Variants in OCA2 observed in about 807,000 individuals in gnomAD.
The protein encoded by OCA2 is P protein.
Under a neutral mutation model 100.2 loss-of-function variants are expected in OCA2, and 77 were observed. The ratio of observed to expected loss-of-function variants is 0.77; its 90% CI spans 0.64 to 0.93. OCA2 has a LOEUF of 0.93. OCA2 is among the 40% of genes least tolerant of loss of function. The probability of loss-of-function intolerance (pLI) is 0.00; values close to 1 mark genes in which losing one functional copy is unlikely to be tolerated. For synonymous variants in OCA2, 432 were observed against 439.2 expected (o/e 0.98, Z 0.21); for missense variants, 1,062 against 1,089.1 (o/e 0.98, Z 0.35).
chr15:28,091,125 A>G (rs867380888), intron 1 of OCA2, among the ~76,000 whole-genome samples: 1 of 152,250 alleles, frequency 6.6e-6, no homozygotes, highest in Admixed American at 6.5e-5. Flanking sequence ...ACAAATTACT[A>G]TAACTCACCC....
chr15:27,897,820 G>T (rs2703975), intron 19 of OCA2, among the ~76,000 whole-genome samples: 1 of 152,100 alleles, frequency 6.6e-6, no homozygotes, highest in South Asian at 2.1e-4. Context: ...CAACCAGCCC[G>T]TGAAGGCAGC....
At chr15:27,953,872 C>T (rs2040121965) in intron 17 of OCA2, among the ~76,000 whole-genome samples, 1 of 151,758 alleles carries the variant, frequency 6.6e-6, no homozygotes, top group East Asian at 1.9e-4. Flanking sequence ...GAACAGTGTA[C>T]ACAGTACCCA....
At chr15:27,790,736 C>T (rs1566965317) in intron 23 of OCA2, among the ~76,000 whole-genome samples, 1 of 151,916 alleles carries the variant, frequency 6.6e-6, no homozygotes. Flanking sequence ...TTAAACTATA[C>T]ACCTCAAATG....
intron 22 of OCA2, among the ~76,000 whole-genome samples, chr15:27,845,258 T>C (rs1482123577): frequency 6.6e-6 from 1 of 152,148 alleles, no homozygotes; most frequent in African/African-American, 2.4e-5. Context: ...CCATGATTCA[T>C]TTATGGATAA....
chr15:27,862,305 T>C (rs1195640443), intron 21 of OCA2, among the ~76,000 whole-genome samples: 2 of 152,130 alleles, frequency 1.3e-5, no homozygotes, highest in African/African-American at 4.8e-5. Context: ...AGCGTGGTCA[T>C]CAGCCTCGAG....
chr15:27,772,353 T>C (rs1026201310), intron 23 of OCA2, among the ~76,000 whole-genome samples: 4 of 152,226 alleles, frequency 2.6e-5, no homozygotes, highest in Admixed American at 6.5e-5. Context: ...TTAATTTACT[T>C]TTTGAAAGAG....
chr15:27,796,302 G>T (rs1173602924), intron 23 of OCA2, among the ~76,000 whole-genome samples: 2 of 152,290 alleles, frequency 1.3e-5, no homozygotes, highest in Non-Finnish European at 2.9e-5. Context: ...GACATGGGCA[G>T]AGAGAGCAGT....
intron 23 of OCA2, among the ~76,000 whole-genome samples, chr15:27,831,304 A>AAAAAAAAAAAC (rs2034946047): frequency 6.6e-6 from 1 of 151,126 alleles, no homozygotes; most frequent in African/African-American, 2.4e-5. Context: ...AAAAAAAAAA[A>AAAAAAAAAAAC]AATCGGTCTG....
intron 14 of OCA2, among the ~76,000 whole-genome samples, chr15:27,970,505 G>C (rs2040739511): frequency 6.7e-6 from 1 of 149,410 alleles, no homozygotes; most frequent in Admixed American, 6.6e-5. Context: ...ATATGAAGAA[G>C]GTCCCAGCAC....
At chr15:27,975,132 A>T (rs1004144577) in intron 14 of OCA2, among the ~76,000 whole-genome samples, 3 of 152,198 alleles carry the variant, frequency 2.0e-5, no homozygotes, top group Non-Finnish European at 4.4e-5. Context: ...GAATATTTCG[A>T]TCTAGGACTG....
At chr15:27,951,454 A>G (rs1025142662) in intron 18 of OCA2, among the ~76,000 whole-genome samples, 2 of 151,946 alleles carry the variant, frequency 1.3e-5, no homozygotes, top group Non-Finnish European at 2.9e-5. Context: ...TCTTCTGGGA[A>G]CCATGTAAAG....
chr15:27,769,662 A>G (rs911092403), intron 23 of OCA2, among the ~76,000 whole-genome samples: 3 of 152,270 alleles, frequency 2.0e-5, no homozygotes, highest in African/African-American at 4.8e-5. Context: ...AAAGGCTTTA[A>G]TAACAAACCA....
At chr15:27,952,002 G>GTAACCTC in intron 17 of OCA2, 110 bp from the exon 18 acceptor site, 1 of 800,206 alleles carries the variant, frequency 1.2e-6, no homozygotes, top group East Asian at 2.7e-5. Flanking sequence ...GATGAAAAAT[G>GTAACCTC]TAACCTCTCG....
intron 18 of OCA2, among the ~76,000 whole-genome samples, chr15:27,944,089 C>A (rs1362025106): frequency 1.3e-5 from 2 of 152,164 alleles, no homozygotes; most frequent in African/African-American, 4.8e-5. Context: ...TGGAAATTAT[C>A]GTTTTTGGCT....
At chr15:28,067,454 T>C (rs1302211608) in intron 2 of OCA2, among the ~76,000 whole-genome samples, 1 of 152,222 alleles carries the variant, frequency 6.6e-6, no homozygotes, top group Non-Finnish European at 1.5e-5. Context: ...TTGGGACCTT[T>C]CTAACTTCTT....
chr15:28,058,356 T>C (rs1002140830), intron 2 of OCA2, among the ~76,000 whole-genome samples: 5 of 152,232 alleles, frequency 3.3e-5, no homozygotes, highest in Non-Finnish European at 5.9e-5. Context: ...GGAATTGGCC[T>C]TCCTCTGTGG....
intron 9 of OCA2, among the ~76,000 whole-genome samples, chr15:28,000,754 C>T (rs1028257826): frequency 1.4e-4 from 22 of 152,016 alleles, no homozygotes; most frequent in Non-Finnish European, 2.9e-5. Context: ...GGAACTCATA[C>T]GAATCAAGAG....
At chr15:27,770,417 G>T (rs1242044886) in intron 23 of OCA2, among the ~76,000 whole-genome samples, 1 of 152,220 alleles carries the variant, frequency 6.6e-6, no homozygotes, top group African/African-American at 2.4e-5. Context: ...GCCGGCAGAA[G>T]AGGCTCATTG....
At chr15:27,792,975 G>A (rs1376228174) in intron 23 of OCA2, among the ~76,000 whole-genome samples, 1 of 152,206 alleles carries the variant, frequency 6.6e-6, no homozygotes, top group Non-Finnish European at 1.5e-5. Context: ...GAGGAGGGGC[G>A]GCCAGGGCAC....
Sources: gnomAD v4.1 joint callset for allele counts (sites outside exome capture counted in the v4.1 genomes callset) on GRCh38, gnomAD v4.1.1 for gene constraint, MANE v1.5 for transcripts, NCBI Gene and HGNC (gene_info 2026-07-23, HGNC 2026-07-21) for gene names.